The following WDFY2 variants were observed in gnomAD, a reference collection of about 807,000 sequenced individuals.
The protein encoded by WDFY2 is WD repeat and FYVE domain containing 2, also known as WD repeat and FYVE domain-containing protein 2.
WDFY2 carries 36 observed loss-of-function variants against 56.4 expected under a neutral mutation model. The ratio of observed to expected loss-of-function variants is 0.64; its 90% confidence interval spans 0.49 to 0.84. The LOEUF is 0.84. Ranked by LOEUF, WDFY2 falls within the 40% of genes least tolerant of loss-of-function variation. The probability of loss-of-function intolerance (pLI) is 0.00; values close to 1 mark genes in which losing one functional copy is unlikely to be tolerated. For synonymous variants in WDFY2, 176 were observed against 183.7 expected (o/e 0.96, Z 0.34); for missense variants, 444 against 512.2 (o/e 0.87, Z 1.29).
At chr13:51,697,437 A>C (rs1223724117) in intron 3 of WDFY2, among the ~76,000 whole-genome samples, 3 of 152,136 alleles carry the variant, frequency 2.0e-5, no homozygotes, top group African/African-American at 7.2e-5. Flanking sequence ...GTTCAAGAGC[A>C]GCCTGGGTAA....
At chr13:51,663,212 T>C (rs940046653) in intron 2 of WDFY2, among the ~76,000 whole-genome samples, 22 of 152,368 alleles carry the variant, frequency 1.4e-4, no homozygotes, top group Admixed American at 5.2e-4. Flanking sequence ...TTGAAAACAT[T>C]GTCTTGTGAC....
At position 51,766,870 on chromosome 13, in the gene WDFY2, G is replaced by A. The variant is rs531209087; in HGVS notation, c.*7101G>A. The A allele has an allele frequency of 6.6e-6, 1 of 152,400 alleles. No individual in the cohort carries two copies. The highest frequency in any genetic ancestry group is 6.5e-5 in the Admixed American group (1 of 15,302). The allele number at this position is 152,400 out of a possible 1,614,324, so 9.4% of individuals were successfully genotyped here. A position where few individuals can be genotyped will look rare whatever the true frequency, so the allele number is the denominator to read the frequency against. On this transcript the variant is annotated 3_prime_UTR_variant, in exon 12 of 12. Coordinates refer to ENST00000298125, the MANE Select transcript of WDFY2 (RefSeq NM_052950.4). ...ACCTTGCTGTGCTGTTTAGCCCTGT[G>A]GGTTCTGTCCAGTTGGTGGGAGGGG... is the stretch of plus-strand genomic sequence containing the variant.
At chr13:51,592,425 A>C (rs1197235204) in intron 1 of WDFY2, 1 of 152,032 alleles carries the variant, frequency 6.6e-6, no homozygotes, top group Non-Finnish European at 1.5e-5. Context: ...AAATACAAAA[A>C]TTAGCTGGGT....
chr13:51,613,853 G>A (rs1372854417), intron 1 of WDFY2, among the ~76,000 whole-genome samples: 2 of 152,072 alleles, frequency 1.3e-5, no homozygotes, highest in African/African-American at 4.8e-5. Flanking sequence ...TACTTGAAGT[G>A]TTTAATGATT....
At chr13:51,603,677 T>G (rs1435168195) in intron 1 of WDFY2, among the ~76,000 whole-genome samples, 1 of 152,220 alleles carries the variant, frequency 6.6e-6, no homozygotes, top group East Asian at 1.9e-4. Context: ...AGACCTGAGT[T>G]AAAACCATGC....
At chr13:51,726,703 C>T (rs995034575) in intron 5 of WDFY2, among the ~76,000 whole-genome samples, 1 of 152,224 alleles carries the variant, frequency 6.6e-6, no homozygotes, top group Non-Finnish European at 1.5e-5. Flanking sequence ...ATGCCAACTT[C>T]GTAAGCCGAC....
Position 51,584,516 on chromosome 13 carries a change from G to T in WDFY2, c.-172G>T. Reference sequence around the variant, plus strand: ...TGGCGGTTTTGGTGCCTGAAGCAGGGAGCGCGGAGTCGTTCCCGAGAGAGG... The same window carrying T: ...TGGCGGTTTTGGTGCCTGAAGCAGGTAGCGCGGAGTCGTTCCCGAGAGAGG... On this transcript the variant is annotated 5_prime_UTR_variant, in exon 1 of 12. Coordinates refer to ENST00000298125, the MANE Select transcript of WDFY2 (RefSeq NM_052950.4). 2 of 877,716 alleles carry T rather than the reference G, an allele frequency of 2.3e-6. No individual in the cohort carries two copies. The highest frequency in any genetic ancestry group is 5.7e-5 in the East Asian group (2 of 35,080). 54.4% of individuals were successfully genotyped at this position (877,716 alleles called of 1,614,324 possible).
At chr13:51,735,607 T>C (rs1426709986) in intron 6 of WDFY2, among the ~76,000 whole-genome samples, 1 of 152,216 alleles carries the variant, frequency 6.6e-6, no homozygotes, top group Non-Finnish European at 1.5e-5. Flanking sequence ...ATCTTATCAT[T>C]GTACATTTTT....
chr13:51,648,058 A>G (rs1002545575), intron 1 of WDFY2, among the ~76,000 whole-genome samples: 3 of 152,178 alleles, frequency 2.0e-5, no homozygotes, highest in Non-Finnish European at 4.4e-5. Context: ...CAGACTGGCT[A>G]CTGTGCTGAG....
At chr13:51,654,903 T>C (rs1396820396) in intron 1 of WDFY2, among the ~76,000 whole-genome samples, 2 of 152,154 alleles carry the variant, frequency 1.3e-5, no homozygotes, top group African/African-American at 4.8e-5. Context: ...CAAGTTGGTA[T>C]AAGGAGGGTA....
chr13:51,604,710 A>C (rs1028317237), intron 1 of WDFY2, among the ~76,000 whole-genome samples: 3 of 152,248 alleles, frequency 2.0e-5, no homozygotes, highest in African/African-American at 7.2e-5. Context: ...AATGGCTACC[A>C]TACTGAACAG....
rs1953628195 is a variant in WDFY2, at chr13:51,762,808, A to G, written c.*3039A>G. ...TAATGCCTAACATGCCTGCGCTGAG[A>G]AAGTGGCAGATCTACACATATCATA... On this transcript the variant is annotated 3_prime_UTR_variant, in exon 12 of 12. Coordinates refer to ENST00000298125, the MANE Select transcript of WDFY2 (RefSeq NM_052950.4). 1 of 125,550 alleles carries G rather than the reference A, an allele frequency of 8.0e-6. No homozygotes were observed. Among genetic ancestry groups the G allele is most frequent in the South Asian group, 2.5e-4 (1 of 3,968 alleles). The allele number at this position is 125,550 out of a possible 1,614,324, so 7.8% of individuals were successfully genotyped here.
chr13:51,659,417 G>T (rs182720805), intron 1 of WDFY2, among the ~76,000 whole-genome samples: 2 of 152,142 alleles, frequency 1.3e-5, no homozygotes, highest in Non-Finnish European at 2.9e-5. Flanking sequence ...TGTGGGGTGA[G>T]GTGTGTGGCC....
chr13:51,663,298 T>C (rs1221395840), intron 2 of WDFY2, among the ~76,000 whole-genome samples: 4 of 152,238 alleles, frequency 2.6e-5, no homozygotes, highest in Non-Finnish European at 4.4e-5. Context: ...ATAGTGTTGA[T>C]TGGTAAATAT....
intron 1 of WDFY2, among the ~76,000 whole-genome samples, chr13:51,607,783 C>T (rs1404104871): frequency 2.0e-5 from 3 of 152,144 alleles, no homozygotes; most frequent in African/African-American, 7.2e-5. Flanking sequence ...TGATGAGGCC[C>T]CCCAACATGT....
intron 1 of WDFY2, among the ~76,000 whole-genome samples, chr13:51,618,112 C>A (rs1407423362): frequency 6.6e-6 from 1 of 152,198 alleles, no homozygotes; most frequent in Admixed American, 6.5e-5. Flanking sequence ...TTATTCAATA[C>A]AATTTTATGT....
intron 1 of WDFY2, among the ~76,000 whole-genome samples, chr13:51,619,837 T>TACA (rs1456796325): frequency 1.3e-5 from 2 of 152,200 alleles, no homozygotes; most frequent in African/African-American, 4.8e-5. Flanking sequence ...CTGGATTGGT[T>TACA]ACAGCTGGGC....
At chr13:51,589,710 G>A (rs914946503) in intron 1 of WDFY2, 2 of 152,178 alleles carry the variant, frequency 1.3e-5, no homozygotes, top group African/African-American at 4.8e-5. Context: ...GAGGGAGTGA[G>A]CGCTCTGAAG....
chr13:51,683,522 A>C (rs1402521928), intron 3 of WDFY2, among the ~76,000 whole-genome samples: 7 of 152,138 alleles, frequency 4.6e-5, no homozygotes. Context: ...TTTTACTGTT[A>C]CTCACCTTGG....
Sources: gnomAD v4.1 joint callset for allele counts (sites outside exome capture counted in the v4.1 genomes callset) on GRCh38, gnomAD v4.1.1 for gene constraint, MANE v1.5 for transcripts, NCBI Gene and HGNC (gene_info 2026-07-23, HGNC 2026-07-21) for gene names.